The following YES1 variants were observed in gnomAD, a reference collection of about 807,000 sequenced individuals.
The protein encoded by YES1 is tyrosine-protein kinase Yes.
In YES1, 39 loss-of-function variants were observed where a neutral mutation model predicts 70.4. That is an observed-to-expected ratio of 0.55 (90% confidence interval 0.43 to 0.72). YES1 has a LOEUF of 0.72. Among genes scored for constraint, YES1 ranks in the 30% least tolerant of loss-of-function variants. YES1 has a pLI of 0.00. For missense variants in YES1, 495 were observed against 644.8 expected, an observed-to-expected ratio of 0.77 and a Z score of 2.52; for synonymous variants, 198 against 218.6, an observed-to-expected ratio of 0.91 and a Z score of 0.83.
At chr18:809,647 T>C (rs1907272538) in intron 1 of YES1, among the ~76,000 whole-genome samples, 1 of 152,174 alleles carries the variant, frequency 6.6e-6, no homozygotes, top group African/African-American at 2.4e-5. Context: ...ATGACAATTA[T>C]GATTTAATAA....
intron 1 of YES1, among the ~76,000 whole-genome samples, chr18:784,254 A>T (rs1412541200): frequency 6.6e-6 from 1 of 152,246 alleles, no homozygotes; most frequent in Non-Finnish European, 1.5e-5. Flanking sequence ...AATAATAAAG[A>T]TGTATCTAAG....
intron 1 of YES1, among the ~76,000 whole-genome samples, chr18:774,294 A>C (rs1413415666): frequency 1.3e-5 from 2 of 152,098 alleles, no homozygotes; most frequent in Non-Finnish European, 2.9e-5. Flanking sequence ...TGGTGATATC[A>C]CCCAGTCTTA....
At chr18:731,001 G>T (rs2080082242) in intron 11 of YES1, among the ~76,000 whole-genome samples, 1 of 152,154 alleles carries the variant, frequency 6.6e-6, no homozygotes, top group Admixed American at 6.6e-5. Context: ...GGAATTTAAG[G>T]AGTAGAATTG....
chr18:749,988 A>T (rs1388651974), intron 3 of YES1, among the ~76,000 whole-genome samples: 1 of 152,358 alleles, frequency 6.6e-6, no homozygotes, highest in Non-Finnish European at 1.5e-5. Flanking sequence ...ATGTGAAAAG[A>T]CCAAATACAA....
chr18:751,615 C>A, intron 3 of YES1, 90 bp downstream of exon 3: 1 of 869,366 alleles, frequency 1.2e-6, no homozygotes, highest in Non-Finnish European at 1.9e-6. Context: ...CTACCTCTCT[C>A]ATCTCTGGAT....
chr18:791,835 A>G (rs1040579729), intron 1 of YES1, among the ~76,000 whole-genome samples: 8 of 151,446 alleles, frequency 5.3e-5, no homozygotes, highest in Non-Finnish European at 1.0e-4. Flanking sequence ...CAGGTGGATT[A>G]CTTGAGGTCA....
At chr18:737,035 T>C in intron 9 of YES1, 74 bp from the exon 10 acceptor site, 2 of 1,235,564 alleles carry the variant, frequency 1.6e-6, no homozygotes, top group African/African-American at 3.0e-5. Flanking sequence ...TTATGGTTAA[T>C]ATCAAATTGT....
intron 9 of YES1, chr18:737,955 G>A (rs2080171947): frequency 6.6e-6 from 1 of 152,046 alleles, no homozygotes; most frequent in Non-Finnish European, 1.5e-5. Context: ...GATTATAGGA[G>A]CCATCTCGCA....
chr18:784,179 G>T (rs781189639), intron 1 of YES1, among the ~76,000 whole-genome samples: 5 of 152,014 alleles, frequency 3.3e-5, no homozygotes, highest in Non-Finnish European at 7.4e-5. Context: ...TATTTAAGAA[G>T]AATTAAGATG....
At chr18:757,286 G>A (rs752549574) in intron 1 of YES1, among the ~76,000 whole-genome samples, 152 of 150,830 alleles carry the variant, frequency 1.0e-3, no homozygotes, top group Middle Eastern at 3.5e-3. Context: ...GGCGGATCAC[G>A]AGGTCAGGAG....
chr18:792,551 CT>C (rs1568216866), intron 1 of YES1, among the ~76,000 whole-genome samples: 1,201 of 107,340 alleles, frequency 0.011, 17 homozygotes, highest in Admixed American at 0.054. Context: ...CTCTCTCTCT[CT>C]CTCCCTCTGT....
intron 8 of YES1, 62 bp from the exon 9 acceptor site, chr18:739,873 A>C: frequency 1.6e-6 from 2 of 1,251,258 alleles, no homozygotes; most frequent in Non-Finnish European, 2.3e-6. Context: ...ATTGAAATGA[A>C]TACTCCTCCA....
At chr18:795,987 TAATAA>T (rs1906527873) in intron 1 of YES1, among the ~76,000 whole-genome samples, 3 of 150,936 alleles carry the variant, frequency 2.0e-5, no homozygotes, top group African/African-American at 7.3e-5. Flanking sequence ...AGAGTCTATA[TAATAA>T]AACTGGGATA....
chr18:755,194 A>G (rs184589031), intron 2 of YES1, among the ~76,000 whole-genome samples: 7 of 152,208 alleles, frequency 4.6e-5, no homozygotes, highest in Non-Finnish European at 8.8e-5. Context: ...CTTAACATGC[A>G]TAACTCCCTA....
At chr18:759,192 C>G (rs542511581) in intron 1 of YES1, among the ~76,000 whole-genome samples, 1 of 152,190 alleles carries the variant, frequency 6.6e-6, no homozygotes, top group East Asian at 1.9e-4. Flanking sequence ...CGGGGCTAGG[C>G]GCGGTGGCTC....
intron 1 of YES1, among the ~76,000 whole-genome samples, chr18:786,256 T>C: frequency 7.9e-5 from 1 of 12,582 alleles, no homozygotes; most frequent in Admixed American, 1.3e-3. Flanking sequence ...AGATAGAAGA[T>C]GGGGTGGGGG....
At position 764,107 on chromosome 18, in the gene YES1, G is replaced by C. The variant is rs113970832; in HGVS notation, c.-8-7272C>G. On this transcript the variant is annotated intron_variant, in intron 1 of 11. Transcript: ENST00000314574. ...TGCACTCCAGCCTGGGCGACAGAGC[G>C]AGACTCCCTCTCAAAAAAAAAAAAA... Among the ~76,000 whole-genome samples the C allele has an allele frequency of 2.4e-5, 3 of 125,470 alleles. 1 individual carries two copies. Among genetic ancestry groups the C allele is most frequent in the African/African-American group, 8.9e-5 (3 of 33,866 alleles). 82.3% of individuals were successfully genotyped at this position (125,470 alleles called of 152,430 possible).
chr18:745,672 G>A, intron 6 of YES1, 36 bp downstream of exon 6: 1 of 1,563,136 alleles, frequency 6.4e-7, no homozygotes, highest in Non-Finnish European at 8.6e-7. Flanking sequence ...ACTAGAATAT[G>A]AAGAAATAAT....
intron 10 of YES1, among the ~76,000 whole-genome samples, chr18:733,304 T>C (rs929618472): frequency 6.6e-6 from 1 of 152,218 alleles, no homozygotes; most frequent in Non-Finnish European, 1.5e-5. Flanking sequence ...CTAATAGCTG[T>C]AGTTAACTAT....
Sources: allele counts gnomAD v4.1 joint callset (sites outside exome capture counted in the v4.1 genomes callset), GRCh38; gene constraint gnomAD v4.1.1; transcripts MANE v1.5; gene names NCBI Gene and HGNC (gene_info 2026-07-23, HGNC 2026-07-21).